Variants in SPATA22 observed in about 807,000 individuals in gnomAD.
The protein encoded by SPATA22 is spermatogenesis-associated protein 22.
In SPATA22, 29 loss-of-function variants were observed where a neutral mutation model predicts 47.8. The ratio of observed to expected loss-of-function variants is 0.61; its 90% CI spans 0.45 to 0.83. SPATA22 has a LOEUF of 0.83. Ranked by LOEUF, SPATA22 falls within the 40% of genes least tolerant of loss-of-function variation. The pLI is 0.00. For synonymous variants in SPATA22, 133 were observed against 140.9 expected, an observed-to-expected ratio of 0.94 and a Z score of 0.40; for missense variants, 410 against 421.7, an observed-to-expected ratio of 0.97 and a Z score of 0.24.
intron 8 of SPATA22, among the ~76,000 whole-genome samples, chr17:3,442,737 C>G (rs889393280): frequency 6.6e-6 from 1 of 151,930 alleles, no homozygotes; most frequent in Non-Finnish European, 1.5e-5. Context: ...CTTTCCCTCC[C>G]CAACACATTT....
chr17:3,512,395 T>C (rs1229179212), intron 1 of SPATA22: 2 of 152,230 alleles, frequency 1.3e-5, no homozygotes, highest in Non-Finnish European at 2.9e-5. Context: ...GTCCAGCTAG[T>C]CTGGCACACA....
At chr17:3,456,748 A>G (rs1452320231) in intron 5 of SPATA22, among the ~76,000 whole-genome samples, 1 of 151,908 alleles carries the variant, frequency 6.6e-6, no homozygotes, top group Non-Finnish European at 1.5e-5. Flanking sequence ...ACAACAAAAA[A>G]AGATAATTTT....
chr17:3,461,257 C>T (rs568376914), intron 5 of SPATA22, among the ~76,000 whole-genome samples: 1 of 152,190 alleles, frequency 6.6e-6, no homozygotes, highest in Non-Finnish European at 1.5e-5. Context: ...CTAAATCTGG[C>T]AACTGTAGCC....
At chr17:3,489,011 T>G (rs1313949128) in intron 1 of SPATA22, among the ~76,000 whole-genome samples, 2 of 152,210 alleles carry the variant, frequency 1.3e-5, no homozygotes, top group Non-Finnish European at 2.9e-5. Context: ...TTTTTCCATG[T>G]TCTTTCCCAG....
intron 1 of SPATA22, among the ~76,000 whole-genome samples, chr17:3,484,715 A>C (rs963592398): frequency 6.6e-6 from 1 of 152,242 alleles, no homozygotes; most frequent in Non-Finnish European, 1.5e-5. Flanking sequence ...AATTGCTATA[A>C]AAGTTTCTAA....
chr17:3,497,932 C>G (rs1353200375), intron 1 of SPATA22, among the ~76,000 whole-genome samples: 1 of 152,130 alleles, frequency 6.6e-6, no homozygotes, highest in Non-Finnish European at 1.5e-5. Context: ...AAGAACTGTT[C>G]TGGGGTTCCC....
intron 1 of SPATA22, chr17:3,483,373 A>G (rs552104465): frequency 1.3e-5 from 10 of 794,864 alleles, no homozygotes; most frequent in East Asian, 7.7e-5. Flanking sequence ...AAAGTATTTC[A>G]TAAAGCTGTC....
chr17:3,486,664 C>A (rs1190277074), intron 1 of SPATA22, among the ~76,000 whole-genome samples: 1 of 152,174 alleles, frequency 6.6e-6, no homozygotes, highest in African/African-American at 2.4e-5. Context: ...ATTAAAATTA[C>A]AACTTAAAAT....
Position 3,483,548 on chromosome 17 carries a change from C to T in SPATA22, c.-73-14150G>A. The T allele has an allele frequency of 1.9e-6, 3 of 1,614,152 alleles. No homozygotes were observed. In the South Asian group the frequency reaches 3.3e-5, roughly 18 times the overall value. ...TACGTTTATCTGATTGAGCATCCTT[C>T]CCTCAAATATGCGACCACTCGTTCC... On this transcript the variant is annotated intron_variant, in intron 1 of 8. Transcript: ENST00000541913.
rs1463857471 is a variant in SPATA22, at chr17:3,488,554, G to A, written c.-73-19156C>T. On this transcript the variant is annotated intron_variant, in intron 1 of 8. Coordinates refer to the SPATA22 transcript ENST00000541913. The surrounding 1 kb of genome is among the most constrained non-coding windows in gnomAD (Gnocchi z 6.1). ...TGCCTGTAATCCCAGCTACTCGGGA[G>A]GCTGAGGCAGAAGAATCGCTTGAAC... Among the ~76,000 whole-genome samples the A allele has an allele frequency of 6.6e-6, 1 of 152,196 alleles. No homozygotes were observed. The highest frequency in any genetic ancestry group is 1.5e-5 in the Non-Finnish European group (1 of 68,032).
At chr17:3,452,893 C>G (rs188240727) in intron 5 of SPATA22, among the ~76,000 whole-genome samples, 7 of 152,228 alleles carry the variant, frequency 4.6e-5, no homozygotes, top group Admixed American at 3.9e-4. Context: ...TAATCAAAAA[C>G]CTCTCAACAA....
chr17:3,454,660 T>C (rs2082118518), intron 5 of SPATA22, among the ~76,000 whole-genome samples: 1 of 152,112 alleles, frequency 6.6e-6, no homozygotes, highest in African/African-American at 2.4e-5. Context: ...TAGTATTTCA[T>C]GGTGTATATG....
At chr17:3,451,164 T>C (rs976301655) in intron 5 of SPATA22, among the ~76,000 whole-genome samples, 4 of 150,968 alleles carry the variant, frequency 2.6e-5, no homozygotes, top group African/African-American at 9.7e-5. Flanking sequence ...GTGGCTAAGT[T>C]TATGTCAGAC....
chr17:3,446,513 C>A lies in SPATA22; in HGVS notation c.761G>T (p.Arg254Leu), dbSNP rs770196261. ...SAVIESMKYW[R>L]EHAQKTVLLF... ...AAGTACAGTTTTCTGTGCATGTTCACGCCAATACTTCATGCTTTCAATAAC... is the reference window on the plus strand; with the variant it reads ...AAGTACAGTTTTCTGTGCATGTTCAAGCCAATACTTCATGCTTTCAATAAC... Residue 254 changes from arginine (R) to leucine (L), a missense_variant, in exon 7 of 9, where the codon CGT becomes CTT. Physicochemically the swap from Arg to Leu is moderately radical, Grantham distance 102. Transcript: ENST00000572969. 2 of 1,609,126 alleles carry A rather than the reference C, an allele frequency of 1.2e-6. No individual in the cohort carries two copies. Among genetic ancestry groups the A allele is most frequent in the Non-Finnish European group, 1.7e-6 (2 of 1,178,128 alleles).
intron 8 of SPATA22, 32 bp from the exon 9 acceptor site, chr17:3,440,370 G>A: frequency 6.8e-7 from 1 of 1,474,142 alleles, no homozygotes; most frequent in Admixed American, 2.4e-5. Flanking sequence ...TCAAAAAATA[G>A]TTATTACTTC....
intron 1 of SPATA22, among the ~76,000 whole-genome samples, chr17:3,498,216 G>T (rs59335404): frequency 0.22 from 32,939 of 152,136 alleles, 3,858 homozygotes; most frequent in Non-Finnish European, 0.27. Context: ...CCTAAATTTT[G>T]CTGAACAGAA....
chr17:3,498,835 A>C, intron 1 of SPATA22: 2 of 1,406,518 alleles, frequency 1.4e-6, no homozygotes, highest in Non-Finnish European at 1.9e-6. Context: ...TCTGACATAA[A>C]TTTTTAGAGG....
At chr17:3,499,055 C>G in intron 1 of SPATA22, 1 of 1,614,054 alleles carries the variant, frequency 6.2e-7, no homozygotes. Context: ...AACTAACGCT[C>G]AATGCAAAAA....
chr17:3,485,339 C>T lies in SPATA22; in HGVS notation c.-73-15941G>A, dbSNP rs916461941. Among the ~76,000 whole-genome samples the T allele has an allele frequency of 3.3e-5, 5 of 152,116 alleles. No individual in the cohort carries two copies. The highest frequency in any genetic ancestry group is 1.2e-4 in the African/African-American group (5 of 41,396). ...TTCACAGTTTTAATCACACCTATCC[C>T]ACACAGACTTATACAAACTTATCCA... On this transcript the variant is annotated intron_variant, in intron 1 of 8. Coordinates refer to the SPATA22 transcript ENST00000541913. This position sits in a 1 kb window ranked among gnomAD's most constrained non-coding sequence, Gnocchi z 4.4.
Sources: allele counts gnomAD v4.1 joint callset (sites outside exome capture counted in the v4.1 genomes callset), GRCh38; gene constraint gnomAD v4.1.1; non-coding constraint Gnocchi (gnomAD v3.1); transcripts MANE v1.5; gene names NCBI Gene and HGNC (gene_info 2026-07-23, HGNC 2026-07-21).